Variants in S100A5 observed in about 807,000 individuals in gnomAD.
S100A5 encodes S100 calcium binding protein A5.
S100A5 carries 5 observed loss-of-function variants against 6.7 expected under a neutral mutation model. That is an observed-to-expected ratio of 0.75 (90% confidence interval 0.39 to 1.57). S100A5 has a LOEUF of 1.57. Among genes scored for constraint, S100A5 ranks in the 40% most tolerant of loss-of-function variants. The pLI is 0.03. For synonymous variants in S100A5, 49 were observed against 44.9 expected (o/e 1.09, Z -0.37); for missense variants, 129 against 110.8 (o/e 1.16, Z -0.74).
At chr1:153,537,534 G>C in intron 2 of S100A5, 98 bp from the exon 3 acceptor site, 1 of 1,466,738 alleles carries the variant, frequency 6.8e-7, no homozygotes, top group Middle Eastern at 2.1e-4. Flanking sequence ...ACTTCAGGGT[G>C]AGCCCCAGCT....
At chr1:153,542,434 G>A (rs1208671843), upstream of S100A5, among the ~76,000 whole-genome samples, 5 of 152,196 alleles carry the variant, frequency 3.3e-5, no homozygotes, top group African/African-American at 1.2e-4. Flanking sequence ...TCCCAGGGAG[G>A]GTGGATGGAG....
chr1:153,543,050 C>A (rs1019252016), upstream of S100A5, among the ~76,000 whole-genome samples: 5 of 152,104 alleles, frequency 3.3e-5, no homozygotes, highest in African/African-American at 1.2e-4. Context: ...CATTGCCCTC[C>A]CTGATCCTAC....
intron 2 of S100A5, among the ~76,000 whole-genome samples, chr1:153,539,473 A>ATATTTATT (rs768022289): frequency 3.7e-4 from 43 of 115,106 alleles, no homozygotes; most frequent in African/African-American, 1.6e-3. Context: ...ATATATATAT[A>ATATTTATT]TATTTATTTA....
chr1:153,538,785 G>T (rs532056683), intron 2 of S100A5, among the ~76,000 whole-genome samples: 15 of 152,196 alleles, frequency 9.9e-5, no homozygotes, highest in Non-Finnish European at 2.2e-4. Flanking sequence ...CTAGCGGATT[G>T]TCCTTAGGCA....
chr1:153,540,053 C>A lies in S100A5; in HGVS notation c.138+1G>T, dbSNP rs182844223. 1 of 1,613,950 alleles carries A rather than the reference C, an allele frequency of 6.2e-7. No individual in the cohort carries two copies. On this transcript the variant is annotated splice_donor_variant, in intron 2 of 2. Transcript: ENST00000368717. LOFTEE classifies it high-confidence loss of function. The stretch of plus-strand genomic sequence containing the variant: ...TGGAGGATGAGGGAACAATCACCTA[C>A]CTCCCCAAGACACAGCTCTTTCTTG...
chr1:153,537,205 A>T lies in S100A5; in HGVS notation c.*91T>A. ...CCATGGAAGGGTCCATCTGGGAGGG[A>T]GAGGAGGGCAGGGGGCCAAAGAGGG... On this transcript the variant is annotated 3_prime_UTR_variant, in exon 3 of 3. Coordinates refer to ENST00000368717, the MANE Select transcript of S100A5 (RefSeq NM_001394232.1). The T allele has an allele frequency of 7.1e-7, 1 of 1,412,172 alleles. No individual in the cohort carries two copies. Among genetic ancestry groups the T allele is most frequent in the African/African-American group, 1.4e-5 (1 of 70,590 alleles). The allele number at this position is 1,412,172 out of a possible 1,614,324, so 87.5% of individuals were successfully genotyped here.
chr1:153,542,308 C>T (rs1665413877), upstream of S100A5, among the ~76,000 whole-genome samples: 2 of 152,294 alleles, frequency 1.3e-5, no homozygotes, highest in South Asian at 4.1e-4. Flanking sequence ...CCCCACTGCT[C>T]CCCACTCCAC....
intron 2 of S100A5, among the ~76,000 whole-genome samples, chr1:153,539,424 CAAAAAAAAAAAAA>C (rs149327889): frequency 9.4e-4 from 33 of 35,124 alleles, no homozygotes; most frequent in African/African-American, 4.0e-3. Context: ...GAGACTCTCT[CAAAAAAAAAAAAA>C]AAAAAAAAAA....
At position 153,537,264 on chromosome 1, in the gene S100A5, G is replaced by C. The variant is rs1228988757; in HGVS notation, c.*32C>G. 1 of 1,601,794 alleles carries C rather than the reference G, an allele frequency of 6.2e-7. No homozygotes were observed. The highest frequency in any genetic ancestry group is 2.2e-5 in the East Asian group (1 of 44,476). On this transcript the variant is annotated 3_prime_UTR_variant, in exon 3 of 3. Transcript: ENST00000368717. ...AGGAGCAGCCGAGGTCAGCAGCAAA[G>C]GGTGGAGGGTGAGGGTGGAGGGCAG... is the stretch of plus-strand genomic sequence containing the variant.
chr1:153,541,754 AG>A (rs1471160116), upstream of S100A5: 19 of 1,117,466 alleles, frequency 1.7e-5, no homozygotes, highest in Non-Finnish European at 2.0e-5. Context: ...AGAAAACCTC[AG>A]AAGTGTGGGA....
intron 2 of S100A5, among the ~76,000 whole-genome samples, chr1:153,539,466 T>A: frequency 8.0e-6 from 1 of 125,616 alleles, no homozygotes; most frequent in African/African-American, 3.4e-5. Context: ...TATATATATA[T>A]ATATATATAT....
At chr1:153,537,549 C>A in intron 2 of S100A5, 113 bp from the exon 3 acceptor site, 1 of 1,315,716 alleles carries the variant, frequency 7.6e-7, no homozygotes, top group Non-Finnish European at 1.1e-6. Context: ...CCAGCTGAGT[C>A]AATGACACTG....
upstream of S100A5, chr1:153,543,677 G>T: frequency 7.4e-7 from 1 of 1,354,510 alleles, no homozygotes; most frequent in South Asian, 1.3e-5. Flanking sequence ...GTCTGAAGGA[G>T]CCAGGGTGGA....
intron 2 of S100A5, 105 bp downstream of exon 2, chr1:153,539,949 G>A: frequency 1.6e-5 from 22 of 1,393,388 alleles, no homozygotes; most frequent in Non-Finnish European, 2.2e-5. Flanking sequence ...GTAGCCCTTG[G>A]CCACCCTGCC....
Position 153,539,915 on chromosome 1 carries a change from C to T in S100A5, c.138+139G>A, listed in dbSNP as rs528703286. On this transcript the variant is annotated intron_variant, in intron 2 of 2. Coordinates refer to ENST00000368717, the MANE Select transcript of S100A5 (RefSeq NM_001394232.1). ...TAGAGTTTTGCTGGCCCGAAATCCC[C>T]ACCATCTTCCTTTGTCTCTGTCTGT... The T allele has an allele frequency of 1.5e-4, 149 of 992,916 alleles. 1 individual carries two copies. Among genetic ancestry groups the T allele is most frequent in the Non-Finnish European group, 1.9e-4 (129 of 669,464 alleles). The allele number at this position is 992,916 out of a possible 1,614,324, so 61.5% of individuals were successfully genotyped here. A position where few individuals can be genotyped will look rare whatever the true frequency, so the allele number is the denominator to read the frequency against.
rs1665211261 is a variant in S100A5 at position 153,537,322 on chromosome 1, C to T, written c.253G>A (p.Asp85Asn). ...FLTMLCMAYN[D>N]FFLEDNK ...CACTTGTTGTCCTCTAGAAAGAAGT[C>T]GTTGTAGGCCATGCACAGCATGGTC... Residue 85 changes from aspartate (D) to asparagine (N), a missense_variant, in exon 3 of 3, where the codon GAC becomes AAC. Coordinates refer to ENST00000368717, the MANE Select transcript of S100A5 (RefSeq NM_001394232.1). The T allele has an allele frequency of 2.5e-6, 4 of 1,613,986 alleles. No individual in the cohort carries two copies. Among genetic ancestry groups the T allele is most frequent in the South Asian group, 1.1e-5 (1 of 91,062 alleles).
chr1:153,538,041 CT>C (rs1665242636), intron 2 of S100A5, among the ~76,000 whole-genome samples: 1 of 149,956 alleles, frequency 6.7e-6, no homozygotes, highest in Admixed American at 6.9e-5. Context: ...AATGAAACTC[CT>C]TCTCAAAAAA....
At chr1:153,538,471 T>G (rs2101682977) in intron 2 of S100A5, among the ~76,000 whole-genome samples, 1 of 152,318 alleles carries the variant, frequency 6.6e-6, no homozygotes, top group East Asian at 1.9e-4. Context: ...GGGCTCCTGT[T>G]ATTGCCAGGC....
chr1:153,542,595 A>T (rs544065111), upstream of S100A5, among the ~76,000 whole-genome samples: 1 of 152,286 alleles, frequency 6.6e-6, no homozygotes, highest in East Asian at 1.9e-4. Context: ...AGGACCCTCA[A>T]GAGGAGGTCA....
Sources: gnomAD v4.1 joint callset for allele counts (sites outside exome capture counted in the v4.1 genomes callset) on GRCh38, gnomAD v4.1.1 for gene constraint, MANE v1.5 for transcripts, NCBI Gene and HGNC (gene_info 2026-07-23, HGNC 2026-07-21) for gene names.